Variants in MAOA observed in about 807,000 individuals in gnomAD.
MAOA encodes the protein amine oxidase [flavin-containing] A.
MAOA carries 6 observed loss-of-function variants against 42.0 expected under a neutral mutation model. That is an observed-to-expected ratio of 0.14 (90% confidence interval 0.08 to 0.28). The LOEUF is 0.28. Ranked by LOEUF, MAOA falls within the 10% of genes least tolerant of loss-of-function variation. The probability of loss-of-function intolerance (pLI) is 1.00; values close to 1 mark genes in which losing one functional copy is unlikely to be tolerated. For missense variants in MAOA, 262 were observed against 422.3 expected, an observed-to-expected ratio of 0.62 and a Z score of 3.33; for synonymous variants, 140 against 154.0, an observed-to-expected ratio of 0.91 and a Z score of 0.67.
intron 3 of MAOA, among the ~76,000 whole-genome samples, chrX:43,694,096 A>G (rs1296532538): frequency 4.5e-5 from 5 of 111,749 alleles, no homozygotes; most frequent in Non-Finnish European, 9.4e-5. Context: ...ACTGAAGCCA[A>G]ACATGGAGTG....
chrX:43,674,309 C>T (rs1441613068), intron 1 of MAOA, among the ~76,000 whole-genome samples: 1 of 110,418 alleles, frequency 9.1e-6, no homozygotes, highest in Non-Finnish European at 1.9e-5. Flanking sequence ...GTAGATCTTC[C>T]TCCATCCTTT....
At chrX:43,701,770 G>T (rs2033626629) in intron 3 of MAOA, among the ~76,000 whole-genome samples, 1 of 112,040 alleles carries the variant, frequency 8.9e-6, no homozygotes, top group Non-Finnish European at 1.9e-5. Flanking sequence ...TTTGTGAATG[G>T]AATTAAACAT....
chrX:43,708,517 A>G (rs2033674231), intron 3 of MAOA, among the ~76,000 whole-genome samples: 1 of 111,409 alleles, frequency 9.0e-6, no homozygotes, highest in African/African-American at 3.3e-5. Context: ...TGTTCCCCAC[A>G]TATGTGCATT....
intron 2 of MAOA, among the ~76,000 whole-genome samples, chrX:43,691,300 G>A (rs1210080053): frequency 9.1e-6 from 1 of 109,686 alleles, no homozygotes; most frequent in Non-Finnish European, 1.9e-5. Context: ...TAGAGCCCAG[G>A]AAAGTCGAGG....
Position 43,745,654 on chromosome X carries a change from A to C in MAOA, c.*1141A>C, listed in dbSNP as rs2033994156. 9.0e-6 allele frequency: 1 copy of C among 111,454 alleles called. No homozygotes were observed. The highest frequency in any genetic ancestry group is 3.3e-5 in the African/African-American group (1 of 30,628). 9.2% of individuals were successfully genotyped at this position (111,454 alleles called of 1,213,427 possible). On this transcript the variant is annotated 3_prime_UTR_variant, in exon 15 of 15. Coordinates refer to ENST00000338702, the MANE Select transcript of MAOA (RefSeq NM_000240.4). ...GCAAGCTCACTTGCTTTAGTTGTTA[A>C]GTTTTATAAAAGACATGAAATTGAG...
At chrX:43,740,655 T>G in intron 10 of MAOA, 26 bp from the exon 11 acceptor site, 1 of 1,156,781 alleles carries the variant, frequency 8.6e-7, no homozygotes, top group East Asian at 3.1e-5. Context: ...ACTTTATTTT[T>G]TTTTTTTTTT....
intron 5 of MAOA, among the ~76,000 whole-genome samples, chrX:43,722,827 G>A (rs1354850963): frequency 4.5e-5 from 5 of 111,597 alleles, no homozygotes; most frequent in Admixed American, 1.9e-4. Context: ...TAAGTTATAC[G>A]TTTAAATCTT....
intron 13 of MAOA, 75 bp downstream of exon 13, chrX:43,743,980 G>T: frequency 8.5e-7 from 1 of 1,175,317 alleles, no homozygotes. Flanking sequence ...GCTAGTTCTT[G>T]ACACTGATAG....
intron 3 of MAOA, among the ~76,000 whole-genome samples, chrX:43,709,078 C>T (rs1398956410): frequency 9.0e-6 from 1 of 110,659 alleles, no homozygotes; most frequent in East Asian, 2.8e-4. Flanking sequence ...TGGTCAGGCT[C>T]GTCTCAAACT....
chrX:43,745,333 A>G lies in MAOA; in HGVS notation c.*820A>G, dbSNP rs930828765. On this transcript the variant is annotated 3_prime_UTR_variant, in exon 15 of 15. Coordinates refer to ENST00000338702, the MANE Select transcript of MAOA (RefSeq NM_000240.4). ...CCCTGCTTAGCTCTGTGGGAGACCA[A>G]CTACGACTGGCATCTTCTCTTCCCC... 8.9e-6 allele frequency: 1 copy of G among 111,924 alleles called. No homozygotes were observed. Among genetic ancestry groups the G allele is most frequent in the South Asian group, 3.8e-4 (1 of 2,656 alleles). The allele number at this position is 111,924 out of a possible 1,213,427, so 9.2% of individuals were successfully genotyped here. A position where few individuals can be genotyped will look rare whatever the true frequency, so the allele number is the denominator to read the frequency against.
chrX:43,730,779 G>T (rs2033875181), intron 6 of MAOA, among the ~76,000 whole-genome samples: 1 of 110,770 alleles, frequency 9.0e-6, no homozygotes, highest in Non-Finnish European at 1.9e-5. Context: ...CTGTAACTTT[G>T]TCTATAATAT....
At chrX:43,691,647 A>G (rs1462562391) in intron 2 of MAOA, among the ~76,000 whole-genome samples, 1 of 111,717 alleles carries the variant, frequency 9.0e-6, no homozygotes, top group Non-Finnish European at 1.9e-5. Context: ...AGCTAGTTCT[A>G]CAGGCATGTT....
At chrX:43,666,335 T>G (rs889655422) in intron 1 of MAOA, among the ~76,000 whole-genome samples, 1 of 112,052 alleles carries the variant, frequency 8.9e-6, no homozygotes, top group Non-Finnish European at 1.9e-5. Context: ...TAATAAATGG[T>G]ACCTCTATTT....
At position 43,676,232 on chromosome X, in the gene MAOA, G is replaced by A. The variant is rs749308504; in HGVS notation, c.74-7281G>A. Among the ~76,000 whole-genome samples the A allele has an allele frequency of 2.7e-5, 3 of 112,066 alleles. No homozygotes were observed. In the South Asian group the frequency reaches 1.1e-3, roughly 41 times the overall value. On this transcript the variant is annotated intron_variant, in intron 1 of 14. Coordinates refer to ENST00000338702, the MANE Select transcript of MAOA (RefSeq NM_000240.4). The stretch of plus-strand genomic sequence containing the variant: ...TAGCAATCAGCAAGACGCCATGGGC[G>A]TAGGACCCTCTGAGCCAGGTGCGGG...
chrX:43,675,574 ATCTACTTTTGG>A (rs773229422), intron 1 of MAOA, among the ~76,000 whole-genome samples: 1 of 111,621 alleles, frequency 9.0e-6, no homozygotes, highest in East Asian at 2.8e-4. Context: ...TTGTGGTTTT[ATCTACTTTTGG>A]TCTTTGATGA....
chrX:43,705,748 A>G (rs1413011394), intron 3 of MAOA, among the ~76,000 whole-genome samples: 1 of 112,251 alleles, frequency 8.9e-6, no homozygotes, highest in East Asian at 2.8e-4. Flanking sequence ...AAAGAACTCT[A>G]ACAACTCAAT....
chrX:43,717,208 G>A (rs186064078), intron 5 of MAOA, among the ~76,000 whole-genome samples: 1 of 111,026 alleles, frequency 9.0e-6, no homozygotes, highest in East Asian at 2.9e-4. Context: ...AGTCTCTGGG[G>A]GGAAACAGGG....
chrX:43,680,466 C>T (rs897753322), intron 1 of MAOA, among the ~76,000 whole-genome samples: 2 of 111,296 alleles, frequency 1.8e-5, no homozygotes, highest in African/African-American at 6.5e-5. Context: ...TAACATGTTC[C>T]TCTGTCCCCT....
chrX:43,737,698 G>A (rs1323004825), intron 10 of MAOA, among the ~76,000 whole-genome samples: 1 of 111,767 alleles, frequency 8.9e-6, no homozygotes, highest in Non-Finnish European at 1.9e-5. Context: ...TTTCCGCAGA[G>A]ACCCCACCTC....
Sources: allele counts gnomAD v4.1 joint callset (sites outside exome capture counted in the v4.1 genomes callset), GRCh38; gene constraint gnomAD v4.1.1; transcripts MANE v1.5; gene names NCBI Gene and HGNC (gene_info 2026-07-23, HGNC 2026-07-21).